Variants in C10orf90 observed in about 807,000 individuals in gnomAD.
C10orf90 encodes chromosome 10 open reading frame 90, also known as (E2-independent) E3 ubiquitin-conjugating enzyme FATS.
In C10orf90, 56 loss-of-function variants were observed where a neutral mutation model predicts 62.5. The observed-to-expected ratio is 0.90, with a 90% CI of 0.72 to 1.12. The LOEUF is 1.12. Ranked by LOEUF, C10orf90 falls within the 50% of genes most tolerant of loss-of-function variation. The probability of loss-of-function intolerance (pLI) is 0.00; values close to 1 mark genes in which losing one functional copy is unlikely to be tolerated. For synonymous variants in C10orf90, 386 were observed against 340.4 expected, an observed-to-expected ratio of 1.13 and a Z score of -1.47; for missense variants, 970 against 880.4, an observed-to-expected ratio of 1.10 and a Z score of -1.29.
intron 2 of C10orf90, among the ~76,000 whole-genome samples, chr10:126,565,231 T>TTATGTAATATAATATTTATATTACATAA (rs1844333539): frequency 6.1e-5 from 2 of 33,028 alleles, no homozygotes; most frequent in African/African-American, 1.9e-4. Context: ...ATATTACATA[T>TTATGTAATATAATATTTATATTACATAA]TATGTAATAT....
chr10:126,523,403 T>C (rs1044564299), intron 2 of C10orf90: 2 of 152,322 alleles, frequency 1.3e-5, no homozygotes, highest in Middle Eastern at 3.4e-3. Flanking sequence ...GATAGCACTT[T>C]TGAGGGCCTG....
At chr10:126,462,952 T>G (rs1282406102) in intron 5 of C10orf90, among the ~76,000 whole-genome samples, 2 of 152,220 alleles carry the variant, frequency 1.3e-5, no homozygotes, top group Non-Finnish European at 2.9e-5. Flanking sequence ...TTTCCAGTCA[T>G]GCTCTTTCAT....
At chr10:126,427,279 G>A (rs1857318550) in intron 8 of C10orf90, among the ~76,000 whole-genome samples, 1 of 152,246 alleles carries the variant, frequency 6.6e-6, no homozygotes, top group Non-Finnish European at 1.5e-5. Context: ...AAAGGAGTCA[G>A]TTAGAAAGTA....
chr10:126,440,027 C>T (rs1381783271), intron 7 of C10orf90, among the ~76,000 whole-genome samples: 3 of 152,160 alleles, frequency 2.0e-5, no homozygotes, highest in East Asian at 3.9e-4. Flanking sequence ...AACTTTGTAA[C>T]AATTTGAACC....
At chr10:126,665,110 C>A (rs1289446852) in intron 1 of C10orf90, among the ~76,000 whole-genome samples, 1 of 152,182 alleles carries the variant, frequency 6.6e-6, no homozygotes, top group African/African-American at 2.4e-5. Context: ...AGCCTGTTGG[C>A]AGAGTGGCAG....
At chr10:126,476,993 T>C (rs1408708835) in intron 4 of C10orf90, among the ~76,000 whole-genome samples, 1 of 138,330 alleles carries the variant, frequency 7.2e-6, no homozygotes, top group East Asian at 2.3e-4. Context: ...CACTGCAAGC[T>C]CCGCCTACCG....
intron 4 of C10orf90, among the ~76,000 whole-genome samples, chr10:126,487,717 G>A (rs750385582): frequency 9.9e-5 from 15 of 152,108 alleles, no homozygotes; most frequent in Non-Finnish European, 1.8e-4. Flanking sequence ...TGTACTTTAG[G>A]AAGGTAAAAA....
chr10:126,489,311 G>A (rs1346758795), intron 4 of C10orf90, among the ~76,000 whole-genome samples: 1 of 151,986 alleles, frequency 6.6e-6, no homozygotes, highest in Non-Finnish European at 1.5e-5. Flanking sequence ...GCACTTGTCA[G>A]TATTCAACAC....
intron 2 of C10orf90, among the ~76,000 whole-genome samples, chr10:126,523,943 T>C (rs1863855480): frequency 6.6e-6 from 1 of 152,238 alleles, no homozygotes; most frequent in Admixed American, 6.5e-5. Flanking sequence ...ATTGAATGTA[T>C]ATACTACAAT....
chr10:126,433,915 T>C (rs1399593028), intron 7 of C10orf90, among the ~76,000 whole-genome samples: 1 of 152,222 alleles, frequency 6.6e-6, no homozygotes, highest in Admixed American at 6.5e-5. Context: ...AGACTACAGT[T>C]GTGTTTACCT....
intron 2 of C10orf90, among the ~76,000 whole-genome samples, chr10:126,585,818 G>A (rs1844859330): frequency 6.6e-6 from 1 of 152,162 alleles, no homozygotes; most frequent in Non-Finnish European, 1.5e-5. Context: ...TTCTCCAAGT[G>A]GAGTTCCCAG....
chr10:126,464,971 A>G lies in C10orf90; in HGVS notation c.1550T>C (p.Phe517Ser). Reference sequence around the variant, plus strand: ...TTGTTGCCTCTTGCTGCTTCCAGAAAATACTTTTGTGTGTACTAAAAATAA... The same window carrying G: ...TTGTTGCCTCTTGCTGCTTCCAGAAGATACTTTTGTGTGTACTAAAAATAA... ...WSYRAVHTKV[F>S]SGSSKRQQGE... Residue 517 changes from phenylalanine to serine, a missense_variant, in exon 5 of 10, where the codon TTT becomes TCT. Physicochemically the swap from Phe to Ser is radical, Grantham distance 155. Transcript: ENST00000488181. 1 of 1,594,670 alleles carries G rather than the reference A, an allele frequency of 6.3e-7. No individual in the cohort carries two copies. The highest frequency in any genetic ancestry group is 1.1e-5 in the South Asian group (1 of 90,446).
Position 126,505,055 on chromosome 10 carries a change from T to C in C10orf90, c.436A>G (p.Ile146Val), listed in dbSNP as rs559530701. The change falls in exon 4 of 10, where the codon ATT becomes GTT. Residue 146 changes from isoleucine to valine, a missense_variant. Transcript: ENST00000488181. Reference protein sequence around the residue: ...ETLASQNTKMISSIVISQMID... With the variant: ...ETLASQNTKMVSSIVISQMID... ...ATCTGGGAGATGACTATGGATGAAA[T>C]CATTTTTGTGTTTTGTGATGCCAGG... is the stretch of plus-strand genomic sequence containing the variant. 3.0e-5 allele frequency: 49 copies of C among 1,610,496 alleles called. 1 individual carries two copies. Among genetic ancestry groups the C allele is most frequent in the South Asian group, 2.5e-4 (23 of 90,476 alleles).
At chr10:126,469,694 C>A in intron 4 of C10orf90, 1 of 359,542 alleles carries the variant, frequency 2.8e-6, no homozygotes, top group Non-Finnish European at 5.5e-6. Flanking sequence ...GCCCTCAACA[C>A]CTTTGCAAAG....
At chr10:126,455,029 C>T (rs555663862) in intron 7 of C10orf90, among the ~76,000 whole-genome samples, 4 of 152,040 alleles carry the variant, frequency 2.6e-5, no homozygotes, top group Non-Finnish European at 5.9e-5. Context: ...CTCACAATCA[C>T]CACCTCCCAC....
chr10:126,627,324 A>T (rs1376461319), intron 2 of C10orf90, among the ~76,000 whole-genome samples: 1 of 152,088 alleles, frequency 6.6e-6, no homozygotes, highest in Non-Finnish European at 1.5e-5. Context: ...CAATGAGTAT[A>T]ACTGGTTATT....
At chr10:126,497,241 T>G (rs760929623) in intron 4 of C10orf90, among the ~76,000 whole-genome samples, 1 of 152,112 alleles carries the variant, frequency 6.6e-6, no homozygotes, top group South Asian at 2.1e-4. Flanking sequence ...TGAATTGCAG[T>G]GGGCACCTGC....
At chr10:126,444,463 A>T (rs538838840) in intron 7 of C10orf90, among the ~76,000 whole-genome samples, 2 of 152,188 alleles carry the variant, frequency 1.3e-5, no homozygotes, top group South Asian at 4.2e-4. Context: ...TATACCTAAC[A>T]AACGAGATGA....
chr10:126,627,000 C>CTTTTTTTTTT (rs61226052), intron 2 of C10orf90, among the ~76,000 whole-genome samples: 8 of 119,496 alleles, frequency 6.7e-5, no homozygotes, highest in Non-Finnish European at 1.0e-4. Flanking sequence ...TTTTTCTTTT[C>CTTTTTTTTTT]TTTTTTTTTT....
Sources: gnomAD v4.1 joint callset for allele counts (sites outside exome capture counted in the v4.1 genomes callset) on GRCh38, gnomAD v4.1.1 for gene constraint, MANE v1.5 for transcripts, NCBI Gene and HGNC (gene_info 2026-07-23, HGNC 2026-07-21) for gene names.